The following MGAT5B variants were observed in gnomAD, a reference collection of about 807,000 sequenced individuals.
MGAT5B encodes the protein N-acetylglucosaminyl-transferase Vb.
Under a neutral mutation model 95.1 loss-of-function variants are expected in MGAT5B, and 54 were observed. That is an observed-to-expected ratio of 0.57 (90% CI 0.46 to 0.71). The LOEUF (loss-of-function observed/expected upper bound fraction) is 0.71. Among genes scored for constraint, MGAT5B ranks in the 30% least tolerant of loss-of-function variants. The pLI is 0.00. For missense variants in MGAT5B, 935 were observed against 1,088.6 expected, an observed-to-expected ratio of 0.86 and a Z score of 1.99; for synonymous variants, 464 against 451.0, an observed-to-expected ratio of 1.03 and a Z score of -0.36.
At chr17:76,923,138 C>A (rs1021446597) in intron 8 of MGAT5B, among the ~76,000 whole-genome samples, 4 of 152,226 alleles carry the variant, frequency 2.6e-5, no homozygotes, top group African/African-American at 4.8e-5. Context: ...TGCGCACAGT[C>A]CCCTCCCCGA....
rs1968915850 is a variant in MGAT5B, at chr17:76,915,896, A to C, written c.1026-9070A>C. Among the ~76,000 whole-genome samples, 1 of 152,238 alleles carries C rather than the reference A, an allele frequency of 6.6e-6. No individual in the cohort carries two copies. On this transcript the variant is annotated intron_variant, in intron 8 of 17. Transcript: ENST00000569840. This position sits in a 1 kb window ranked among gnomAD's most constrained non-coding sequence, Gnocchi z 8.7. ...ACACATCCCAGCGGAGAGGCCTGGC[A>C]GCCAGACACCTGACCCAAGTTGGCT...
intron 3 of MGAT5B, among the ~76,000 whole-genome samples, chr17:76,891,718 C>T (rs1195144913): frequency 6.6e-6 from 1 of 152,172 alleles, no homozygotes; most frequent in African/African-American, 2.4e-5. Flanking sequence ...TTTGTGGGGA[C>T]ACAGACATGG....
At chr17:76,895,251 G>A (rs894379081) in intron 3 of MGAT5B, among the ~76,000 whole-genome samples, 2 of 151,702 alleles carry the variant, frequency 1.3e-5, no homozygotes, top group Non-Finnish European at 2.9e-5. Flanking sequence ...CCCCCAAATG[G>A]GACCATCTAG....
chr17:76,903,498 T>C, intron 5 of MGAT5B, 122 bp downstream of exon 5: 1 of 605,698 alleles, frequency 1.7e-6, no homozygotes, highest in Non-Finnish European at 2.8e-6. Flanking sequence ...CTCTGCTCAG[T>C]GCATCCACCC....
At position 76,870,107 on chromosome 17, in the gene MGAT5B, C is replaced by T. The variant is rs550715684; in HGVS notation, c.68+1010C>T. 6.6e-6 allele frequency among the ~76,000 whole-genome samples: 1 copy of T among 152,278 alleles called. No homozygotes were observed. The highest frequency in any genetic ancestry group is 2.1e-4 in the South Asian group (1 of 4,832). ...GGGCGCGGGAAGGAGCCCGAGAAGG[C>T]GGAGCTTGCAGGGGCCCTGAACTCT... On this transcript the variant is annotated intron_variant, in intron 1 of 17. Coordinates refer to ENST00000569840, the MANE Select transcript of MGAT5B (RefSeq NM_001199172.2). This position sits in a 1 kb window ranked among gnomAD's most constrained non-coding sequence, Gnocchi z 5.0.
At chr17:76,897,674 T>TTTCTTTCC (rs1968119111) in intron 3 of MGAT5B, among the ~76,000 whole-genome samples, 1 of 80,732 alleles carries the variant, frequency 1.2e-5, no homozygotes, top group South Asian at 5.1e-4. Flanking sequence ...TCTTTCTTTC[T>TTTCTTTCC]TTCTTTCTTT....
At position 76,869,237 on chromosome 17, in the gene MGAT5B, G is replaced by A. The variant is rs566634084; in HGVS notation, c.68+140G>A. Reference sequence around the variant, plus strand: ...ACCCCTGGTGATGACCAGTGGGGCTGGGCTGGGGGAACGGATGGCGTTGGG... The same window carrying A: ...ACCCCTGGTGATGACCAGTGGGGCTAGGCTGGGGGAACGGATGGCGTTGGG... On this transcript the variant is annotated intron_variant, in intron 1 of 17. Coordinates refer to ENST00000569840, the MANE Select transcript of MGAT5B (RefSeq NM_001199172.2). This position sits in a 1 kb window ranked among gnomAD's most constrained non-coding sequence, Gnocchi z 7.0. The A allele has an allele frequency of 4.7e-5, 35 of 744,650 alleles. No homozygotes were observed. The Admixed American group carries it at 7.5e-4, about 16-fold the overall frequency. 46.1% of individuals were successfully genotyped at this position (744,650 alleles called of 1,614,324 possible). A position where few individuals can be genotyped will look rare whatever the true frequency, so the allele number is the denominator to read the frequency against.
rs779466801 is a variant in MGAT5B, at chr17:76,932,632, G to A, written c.1292-13G>A. ...TTTGGTGACCCCATTCCTTCTGCGT[G>A]CTCGGGCTGCAGCTCATACCCCCGA... On this transcript the variant is annotated splice_polypyrimidine_tract_variant and intron_variant, in intron 10 of 17. Transcript: ENST00000569840. The A allele has an allele frequency of 1.9e-6, 3 of 1,613,108 alleles. No homozygotes were observed. Among genetic ancestry groups the A allele is most frequent in the South Asian group, 1.1e-5 (1 of 91,048 alleles).
intron 2 of MGAT5B, among the ~76,000 whole-genome samples, chr17:76,876,955 C>T (rs986652712): frequency 3.9e-5 from 6 of 152,304 alleles, no homozygotes; most frequent in East Asian, 1.9e-4. Flanking sequence ...CAGCCCTTCT[C>T]GCCTAGGCCT....
At chr17:76,871,717 T>C (rs1015345465) in intron 1 of MGAT5B, among the ~76,000 whole-genome samples, 2 of 152,032 alleles carry the variant, frequency 1.3e-5, no homozygotes, top group African/African-American at 2.4e-5. Flanking sequence ...TGGCATGACG[T>C]GGGGCTCTCT....
In MGAT5B at chr17:76,946,370, C is replaced by T; in HGVS notation, c.1849-6C>T. On this transcript the variant is annotated splice_region_variant and splice_polypyrimidine_tract_variant and intron_variant, in intron 15 of 17. Coordinates refer to ENST00000569840, the MANE Select transcript of MGAT5B (RefSeq NM_001199172.2). Reference sequence around the variant, plus strand: ...CGCCCCATGTGTCTGCCCATCCCTCCCACAGGTAGACCCCTACCTACCCTA... The same window carrying T: ...CGCCCCATGTGTCTGCCCATCCCTCTCACAGGTAGACCCCTACCTACCCTA... 1 of 1,605,530 alleles carries T rather than the reference C, an allele frequency of 6.2e-7. No individual in the cohort carries two copies. The highest frequency in any genetic ancestry group is 8.5e-7 in the Non-Finnish European group (1 of 1,175,568).
chr17:76,875,267 A>T (rs548156401), intron 2 of MGAT5B, among the ~76,000 whole-genome samples: 1 of 152,176 alleles, frequency 6.6e-6, no homozygotes, highest in Admixed American at 6.5e-5. Flanking sequence ...CTCTTGTGGG[A>T]TAGACCCTGT....
In MGAT5B at chr17:76,882,220, G is replaced by A. The variant is rs377057899; in HGVS notation, c.251G>A (p.Arg84His). 24 of 1,613,642 alleles carry A rather than the reference G, an allele frequency of 1.5e-5. No individual in the cohort carries two copies. In the South Asian group the frequency reaches 1.9e-4, roughly 13 times the overall value. ...GACCTGCTGGAGCTGATGGTGAAGC[G>A]CATGGACGCACTGGCCAGGCTGGAG... ...MSDLLELMVK[R>H]MDALARLENS... The change falls in exon 3 of 18, where the codon CGC (arginine) becomes CAC (histidine). Residue 84 changes from arginine (R) to histidine (H), a missense_variant. Arg to His is a conservative substitution (Grantham distance 29). Transcript: ENST00000569840.
chr17:76,911,277 G>A (rs905100583), intron 8 of MGAT5B, among the ~76,000 whole-genome samples: 6 of 152,236 alleles, frequency 3.9e-5, no homozygotes, highest in African/African-American at 1.4e-4. Flanking sequence ...TGGCGGTGGG[G>A]TTGGGACATT....
Position 76,933,288 on chromosome 17 carries a change from G to A in MGAT5B, c.1423-4G>A. On this transcript the variant is annotated splice_polypyrimidine_tract_variant and splice_region_variant and intron_variant, in intron 11 of 17. Transcript: ENST00000569840. Reference sequence around the variant, plus strand: ...TCCTTGTGCTCCCCCTGGCCACGAGGCAGCTCCAGGTATGGAAACCGCTTG... The same window carrying A: ...TCCTTGTGCTCCCCCTGGCCACGAGACAGCTCCAGGTATGGAAACCGCTTG... 1.3e-6 allele frequency: 2 copies of A among 1,598,326 alleles called. No individual in the cohort carries two copies. The highest frequency in any genetic ancestry group is 1.7e-6 in the Non-Finnish European group (2 of 1,179,756).
Position 76,917,602 on chromosome 17 carries a change from G to A in MGAT5B, c.1026-7364G>A, listed in dbSNP as rs572383869. ...GTGGAGCCAGCGGCCCTCAATATCCGAATCCAGGATGCAGGGGCTGCGTCT... is the reference window on the plus strand; with the variant it reads ...GTGGAGCCAGCGGCCCTCAATATCCAAATCCAGGATGCAGGGGCTGCGTCT... On this transcript the variant is annotated intron_variant, in intron 8 of 17. Coordinates refer to ENST00000569840, the MANE Select transcript of MGAT5B (RefSeq NM_001199172.2). This position sits in a 1 kb window ranked among gnomAD's most constrained non-coding sequence, Gnocchi z 6.1. Among the ~76,000 whole-genome samples the A allele has an allele frequency of 3.4e-4, 52 of 152,230 alleles. No homozygotes were observed. The highest frequency in any genetic ancestry group is 6.2e-4 in the Non-Finnish European group (42 of 68,018).
intron 8 of MGAT5B, among the ~76,000 whole-genome samples, chr17:76,919,563 G>A (rs1327707861): frequency 6.6e-6 from 1 of 152,182 alleles, no homozygotes; most frequent in African/African-American, 2.4e-5. Context: ...CTGAGTAGCT[G>A]GAATGACAGG....
chr17:76,899,418 A>G (rs566446061), intron 3 of MGAT5B, among the ~76,000 whole-genome samples: 2 of 152,010 alleles, frequency 1.3e-5, no homozygotes, highest in African/African-American at 4.8e-5. Flanking sequence ...CTGAGGCGGG[A>G]GGATCACTTG....
At chr17:76,946,542 G>A (rs183386566) in intron 16 of MGAT5B, 92 bp downstream of exon 16, 5 of 1,117,588 alleles carry the variant, frequency 4.5e-6, no homozygotes, top group Admixed American at 3.1e-5. Flanking sequence ...CCCTGCACCC[G>A]TGAAACCATC....
Sources: gnomAD v4.1 joint callset for allele counts (sites outside exome capture counted in the v4.1 genomes callset) on GRCh38, gnomAD v4.1.1 for gene constraint, Gnocchi (gnomAD v3.1) non-coding constraint, MANE v1.5 for transcripts, NCBI Gene and HGNC (gene_info 2026-07-23, HGNC 2026-07-21) for gene names.